DSP: variants seen among roughly 807,000 people sequenced by gnomAD.
DSP encodes 250/210 kDa paraneoplastic pemphigus antigen.
Under a neutral mutation model 290.6 loss-of-function variants are expected in DSP, and 114 were observed. The observed-to-expected ratio is 0.39, with a 90% CI of 0.34 to 0.46. DSP has a LOEUF of 0.46. DSP is among the 20% of genes least tolerant of loss of function. The probability of loss-of-function intolerance (pLI) is 0.99; values close to 1 mark genes in which losing one functional copy is unlikely to be tolerated. For synonymous variants in DSP, 1,311 were observed against 1,316.4 expected (o/e 1.00, Z 0.09); for missense variants, 3,230 against 3,495.8 (o/e 0.92, Z 1.92).
At chr6:7,546,184 G>C (rs1427631230) in intron 1 of DSP, among the ~76,000 whole-genome samples, 1 of 152,206 alleles carries the variant, frequency 6.6e-6, no homozygotes, top group Non-Finnish European at 1.5e-5. Flanking sequence ...GGATGGAAAA[G>C]TAGGTATTGC....
chr6:7,574,903 GT>G (rs1198793396), intron 17 of DSP, 108 bp downstream of exon 17: 5 of 1,483,952 alleles, frequency 3.4e-6, no homozygotes, highest in Admixed American at 3.5e-5. Context: ...GGATTATTGG[GT>G]TTCAGTGGCC....
chr6:7,556,213 T>TC (rs1160484613), intron 2 of DSP, among the ~76,000 whole-genome samples: 1 of 152,154 alleles, frequency 6.6e-6, no homozygotes, highest in African/African-American at 2.4e-5. Context: ...ATTTTTTTTT[T>TC]CAGAGAAAAT....
chr6:7,576,149 T>C, intron 18 of DSP, 145 bp from the exon 19 acceptor site: 2 of 903,632 alleles, frequency 2.2e-6, no homozygotes, highest in Middle Eastern at 3.3e-4. Flanking sequence ...TAAAAAGTGC[T>C]GCTATGAACA....
intron 19 of DSP, 24 bp downstream of exon 19, chr6:7,576,480 T>C (rs1561694845): frequency 1.2e-6 from 2 of 1,614,002 alleles, no homozygotes; most frequent in Non-Finnish European, 1.7e-6. Flanking sequence ...TTTTGTTCCA[T>C]AGCTGTTTTG....
chr6:7,553,932 G>A (rs929371760), intron 1 of DSP, among the ~76,000 whole-genome samples: 9 of 152,274 alleles, frequency 5.9e-5, no homozygotes, highest in Non-Finnish European at 1.2e-4. Context: ...CCAAATGGGT[G>A]GCCAAAAAAG....
intron 2 of DSP, among the ~76,000 whole-genome samples, chr6:7,557,149 A>G (rs1274186967): frequency 1.3e-5 from 2 of 152,378 alleles, no homozygotes; most frequent in African/African-American, 4.8e-5. Flanking sequence ...AAAGATCAGT[A>G]GGTGTTACTG....
Position 7,584,495 on chromosome 6 carries a change from T to C in DSP, c.7233T>C (p.Asp2411=). ...LSEILSDPSD[D]TKGFFDPNTE... is the part of the protein sequence containing the mutation. ...AGATTCTCTCAGATCCAAGTGATGA[T>C]ACCAAAGGATTTTTTGACCCCAACA... The change falls in exon 24 of 24, where the codon GAT becomes GAC. Residue 2411 remains aspartate (D), a synonymous_variant. Coordinates refer to ENST00000379802, the MANE Select transcript of DSP (RefSeq NM_004415.4). This position sits in a 1 kb window ranked among gnomAD's most constrained non-coding sequence, Gnocchi z 6.4. The C allele has an allele frequency of 6.2e-7, 1 of 1,614,172 alleles. No individual in the cohort carries two copies. Among genetic ancestry groups the C allele is most frequent in the Non-Finnish European group, 8.5e-7 (1 of 1,180,024 alleles).
In DSP at chr6:7,579,792, A is replaced by G. The variant is rs1400048488; in HGVS notation, c.3602A>G (p.Glu1201Gly). The G allele has an allele frequency of 6.2e-7, 1 of 1,614,088 alleles. No individual in the cohort carries two copies. The highest frequency in any genetic ancestry group is 1.1e-5 in the South Asian group (1 of 91,080). ...ELAKVRNHYN[E>G]EMSNLRNKYE... is the part of the protein sequence containing the mutation. Reference sequence around the variant, plus strand: ...GCAAAGGTAAGAAACCACTATAATGAGGAGATGAGTAATTTAAGGAACAAG... The same window carrying G: ...GCAAAGGTAAGAAACCACTATAATGGGGAGATGAGTAATTTAAGGAACAAG... Residue 1201 changes from glutamate (E) to glycine (G), a missense_variant, in exon 23 of 24, where the codon GAG becomes GGG. Coordinates refer to ENST00000379802, the MANE Select transcript of DSP (RefSeq NM_004415.4). The surrounding 1 kb of genome is among the most constrained non-coding windows in gnomAD (Gnocchi z 4.1).
chr6:7,575,509 T>C, intron 18 of DSP, 21 bp downstream of exon 18: 1 of 1,613,836 alleles, frequency 6.2e-7, no homozygotes, highest in Non-Finnish European at 8.5e-7. Context: ...CTCCTCCCGC[T>C]CCTTCCCCAT....
chr6:7,549,195 G>C (rs1335440707), intron 1 of DSP, among the ~76,000 whole-genome samples: 1 of 152,002 alleles, frequency 6.6e-6, no homozygotes, highest in Non-Finnish European at 1.5e-5. Context: ...TGTTGCCCAG[G>C]CTGGAGGGCA....
intron 1 of DSP, 63 bp from the exon 2 acceptor site, chr6:7,555,655 G>T: frequency 6.6e-7 from 1 of 1,524,086 alleles, no homozygotes. Context: ...TTGCAAGTTT[G>T]AAATTATTTC....
chr6:7,545,067 ATCTT>A (rs1758133633), intron 1 of DSP, among the ~76,000 whole-genome samples: 1 of 152,160 alleles, frequency 6.6e-6, no homozygotes, highest in African/African-American at 2.4e-5. Flanking sequence ...TCACAGTTAG[ATCTT>A]TCTTTCACCC....
At chr6:7,563,313 C>CT (rs70978990) in intron 5 of DSP, among the ~76,000 whole-genome samples, 44,458 of 138,540 alleles carry the variant, frequency 0.32, 7,523 homozygotes, top group East Asian at 0.46. Context: ...AATCACTAAA[C>CT]TTTTTTTTTT....
chr6:7,574,774 A>C lies in DSP; in HGVS notation c.2415A>C (p.Glu805Asp), dbSNP rs1554107530. ...TCTGCCTGGACCTGGATAAAGTGGA[A>C]GCTTACCGCTGTGGACTGAAGGTAA... ...ETVCLDLDKVEAYRCGLKKIK... is the reference protein window; with the variant it reads ...ETVCLDLDKVDAYRCGLKKIK... The change falls in exon 17 of 24, where the codon GAA (glutamate) becomes GAC (aspartate). Residue 805 changes from glutamate to aspartate, a missense_variant. Coordinates refer to ENST00000379802, the MANE Select transcript of DSP (RefSeq NM_004415.4). 1 of 1,614,074 alleles carries C rather than the reference A, an allele frequency of 6.2e-7. No individual in the cohort carries two copies. The highest frequency in any genetic ancestry group is 1.7e-5 in the Admixed American group (1 of 60,000).
intron 11 of DSP, 114 bp from the exon 12 acceptor site, chr6:7,569,072 A>G: frequency 6.9e-7 from 1 of 1,441,598 alleles, no homozygotes; most frequent in Non-Finnish European, 9.6e-7. Context: ...TGAGGGGAAA[A>G]ACGTAAAAGC....
chr6:7,565,924 T>G lies in DSP; in HGVS notation c.939+404T>G. 1 of 334,942 alleles carries G rather than the reference T, an allele frequency of 3.0e-6. No individual in the cohort carries two copies. The highest frequency in any genetic ancestry group is 5.7e-6 in the Non-Finnish European group (1 of 176,292). The allele number at this position is 334,942 out of a possible 1,614,324, so 20.7% of individuals were successfully genotyped here. A position where few individuals can be genotyped will look rare whatever the true frequency, so the allele number is the denominator to read the frequency against. ...TGAAATAACCTGTACAACAAATCCCTGTGATACAAGTTTACCTGTGTAACA... is the reference window on the plus strand; with the variant it reads ...TGAAATAACCTGTACAACAAATCCCGGTGATACAAGTTTACCTGTGTAACA... On this transcript the variant is annotated intron_variant, in intron 7 of 23. Coordinates refer to ENST00000379802, the MANE Select transcript of DSP (RefSeq NM_004415.4). The surrounding 1 kb of genome is among the most constrained non-coding windows in gnomAD (Gnocchi z 4.2).
At position 7,580,638 on chromosome 6, in the gene DSP, T is replaced by C. The variant is rs745872344; in HGVS notation, c.4448T>C (p.Ile1483Thr). 1.8e-5 allele frequency: 29 copies of C among 1,613,668 alleles called. No individual in the cohort carries two copies. Among genetic ancestry groups the C allele is most frequent in the South Asian group, 4.4e-5 (4 of 91,058 alleles). The change falls in exon 23 of 24, where the codon ATA (isoleucine) becomes ACA (threonine). Residue 1483 changes from isoleucine to threonine, a missense_variant. Ile to Thr is a moderately conservative substitution (Grantham distance 89). Coordinates refer to ENST00000379802, the MANE Select transcript of DSP (RefSeq NM_004415.4). This position sits in a 1 kb window ranked among gnomAD's most constrained non-coding sequence, Gnocchi z 4.2. Reference protein sequence around the residue: ...AKTIQDKNKEIERLKQLIDKE... With the variant: ...AKTIQDKNKETERLKQLIDKE... ...ACCATCCAGGATAAAAACAAGGAGATAGAAAGGTTAAAACAACTGATCGAC... is the reference window on the plus strand; with the variant it reads ...ACCATCCAGGATAAAAACAAGGAGACAGAAAGGTTAAAACAACTGATCGAC...
At chr6:7,559,502 G>A (rs78421687) in intron 4 of DSP, 102 bp downstream of exon 4, 25 of 1,456,944 alleles carry the variant, frequency 1.7e-5, no homozygotes, top group Non-Finnish European at 2.3e-5. Flanking sequence ...CTAGACCTCA[G>A]GTGGCGGCAG....
At position 7,541,698 on chromosome 6, in the gene DSP, C is replaced by T. The variant is rs1051580547; in HGVS notation, c.-218C>T. On this transcript the variant is annotated 5_prime_UTR_variant, in exon 1 of 24. Transcript: ENST00000379802. ...TCTGCGCCCTTGCCGCCCTCCGAGC[C>T]ACAGCTTTCCTCCCGCTCCTGCCCC... The T allele has an allele frequency of 6.8e-6, 4 of 590,750 alleles. No individual in the cohort carries two copies. The highest frequency in any genetic ancestry group is 1.2e-5 in the Non-Finnish European group (4 of 346,930). The allele number at this position is 590,750 out of a possible 1,614,324, so 36.6% of individuals were successfully genotyped here.
Sources: gnomAD v4.1 joint callset for allele counts (sites outside exome capture counted in the v4.1 genomes callset) on GRCh38, gnomAD v4.1.1 for gene constraint, Gnocchi (gnomAD v3.1) non-coding constraint, MANE v1.5 for transcripts, NCBI Gene and HGNC (gene_info 2026-07-23, HGNC 2026-07-21) for gene names.